Variants in MARCHF3 observed in about 807,000 individuals in gnomAD.
The protein encoded by MARCHF3 is membrane associated ring-CH-type finger 3.
In MARCHF3, 13 loss-of-function variants were observed where a neutral mutation model predicts 24.2. The ratio of observed to expected loss-of-function variants is 0.54; its 90% CI spans 0.35 to 0.85. The LOEUF (loss-of-function observed/expected upper bound fraction) is 0.85. Among genes scored for constraint, MARCHF3 ranks in the 40% least tolerant of loss-of-function variants. The probability of loss-of-function intolerance (pLI) is 0.01; values close to 1 mark genes in which losing one functional copy is unlikely to be tolerated. For missense variants in MARCHF3, 276 were observed against 325.0 expected, an observed-to-expected ratio of 0.85 and a Z score of 1.16; for synonymous variants, 144 against 137.3, an observed-to-expected ratio of 1.05 and a Z score of -0.34.
intron 1 of MARCHF3, among the ~76,000 whole-genome samples, chr5:126,928,448 T>G (rs187009204): frequency 5.1e-4 from 78 of 152,322 alleles, no homozygotes; most frequent in Non-Finnish European, 1.0e-3. Flanking sequence ...AAGAAATAGG[T>G]TTTTTTAAAT....
At chr5:126,915,930 C>A (rs982779603) in intron 2 of MARCHF3, among the ~76,000 whole-genome samples, 16 of 152,342 alleles carry the variant, frequency 1.1e-4, no homozygotes, top group Middle Eastern at 6.8e-3. Flanking sequence ...CAAGTAACTT[C>A]ATCTCCCCAT....
At chr5:126,890,735 C>G (rs1298165301) in intron 3 of MARCHF3, among the ~76,000 whole-genome samples, 1 of 151,088 alleles carries the variant, frequency 6.6e-6, no homozygotes, top group African/African-American at 2.4e-5. Flanking sequence ...GTGAATAATG[C>G]CGCAATAAAC....
chr5:126,922,795 C>T (rs1199599475), intron 1 of MARCHF3, among the ~76,000 whole-genome samples: 1 of 152,124 alleles, frequency 6.6e-6, no homozygotes. Flanking sequence ...ATCCGCCCAC[C>T]TCGGCCTCCC....
At chr5:127,023,348 A>G (rs557553529) in intron 1 of MARCHF3, among the ~76,000 whole-genome samples, 2 of 152,326 alleles carry the variant, frequency 1.3e-5, no homozygotes, top group East Asian at 3.9e-4. Context: ...GGACCTGTAC[A>G]GTTCAAACCT....
intron 3 of MARCHF3, among the ~76,000 whole-genome samples, chr5:126,903,899 G>A (rs2126784672): frequency 6.6e-6 from 1 of 151,634 alleles, no homozygotes; most frequent in East Asian, 1.9e-4. Context: ...TGCCATGCTG[G>A]TGCGCCGCAC....
chr5:126,907,072 C>T (rs376852624), intron 3 of MARCHF3, among the ~76,000 whole-genome samples: 78 of 151,446 alleles, frequency 5.2e-4, no homozygotes, highest in East Asian at 1.6e-3. Flanking sequence ...CATTTCGTTA[C>T]GTACCCAGTA....
chr5:126,952,416 C>T (rs1750277849), intron 1 of MARCHF3, among the ~76,000 whole-genome samples: 1 of 152,116 alleles, frequency 6.6e-6, no homozygotes, highest in Non-Finnish European at 1.5e-5. Flanking sequence ...GGAGGCTTAA[C>T]ATTTCCATTT....
At chr5:126,902,666 T>C (rs1214344463) in intron 3 of MARCHF3, among the ~76,000 whole-genome samples, 2 of 152,136 alleles carry the variant, frequency 1.3e-5, no homozygotes, top group Non-Finnish European at 2.9e-5. Context: ...GCTTTTTTAA[T>C]GAAGTGATTT....
chr5:126,913,976 C>CCT (rs1561423308), intron 3 of MARCHF3, among the ~76,000 whole-genome samples: 2 of 107,914 alleles, frequency 1.9e-5, no homozygotes, highest in Non-Finnish European at 3.5e-5. Context: ...CAATATCCAA[C>CCT]TTTTTTTTTT....
chr5:126,915,041 C>T lies in MARCHF3; in HGVS notation c.282G>A (p.Gly94=), dbSNP rs371372421. 2.5e-6 allele frequency: 4 copies of T among 1,614,074 alleles called. No individual in the cohort carries two copies. Among genetic ancestry groups the T allele is most frequent in the Non-Finnish European group, 3.4e-6 (4 of 1,180,026 alleles). The stretch of plus-strand genomic sequence containing the variant: ...GCTCCAGGCAGCTCCGATGAATTGT[C>T]CCCAAGGTCCCTGTACATTCACATG... ...LSPCECTGTL[G]TIHRSCLEHW... Residue 94 remains glycine (G), a synonymous_variant, in exon 3 of 5, where the codon GGG becomes GGA. Transcript: ENST00000308660.
intron 1 of MARCHF3, among the ~76,000 whole-genome samples, chr5:126,941,131 C>G (rs984335235): frequency 1.3e-5 from 2 of 152,028 alleles, no homozygotes; most frequent in Non-Finnish European, 2.9e-5. Flanking sequence ...AAGTGTTGAG[C>G]CTGAGTTATC....
chr5:126,935,672 G>A (rs1002816497), intron 1 of MARCHF3, among the ~76,000 whole-genome samples: 7 of 138,518 alleles, frequency 5.1e-5, no homozygotes, highest in African/African-American at 8.3e-5. Context: ...GTGCAATGGC[G>A]TGATCTTGGC....
chr5:126,896,836 G>C (rs1214643195), intron 3 of MARCHF3, among the ~76,000 whole-genome samples: 2 of 152,000 alleles, frequency 1.3e-5, no homozygotes, highest in Non-Finnish European at 1.5e-5. Flanking sequence ...ATTTGACTTA[G>C]GTTATAGGGC....
intron 3 of MARCHF3, among the ~76,000 whole-genome samples, chr5:126,912,508 A>C (rs1356033765): frequency 6.6e-6 from 1 of 152,246 alleles, no homozygotes; most frequent in Non-Finnish European, 1.5e-5. Context: ...CAATTAAAAG[A>C]GTAAAACTGA....
At chr5:126,946,311 G>A (rs373866518) in intron 1 of MARCHF3, 1 of 146,572 alleles carries the variant, frequency 6.8e-6, no homozygotes, top group Non-Finnish European at 1.5e-5. Context: ...GGCAGAGACT[G>A]CAGTGAGCCG....
At chr5:127,013,497 T>C (rs1276101035) in intron 1 of MARCHF3, among the ~76,000 whole-genome samples, 1 of 152,140 alleles carries the variant, frequency 6.6e-6, no homozygotes, top group Non-Finnish European at 1.5e-5. Flanking sequence ...CATTTTCACC[T>C]GGATCCTGAT....
At chr5:126,987,967 A>C (rs1173400617) in intron 1 of MARCHF3, among the ~76,000 whole-genome samples, 1 of 152,224 alleles carries the variant, frequency 6.6e-6, no homozygotes, top group Non-Finnish European at 1.5e-5. Context: ...CATTACGGGA[A>C]GCCGCATGAG....
chr5:126,887,341 C>T (rs949678436), intron 3 of MARCHF3, among the ~76,000 whole-genome samples: 7 of 152,206 alleles, frequency 4.6e-5, no homozygotes, highest in African/African-American at 1.7e-4. Flanking sequence ...GTGGCATCAG[C>T]AGTACCTGCG....
At position 126,983,016 on chromosome 5, in the gene MARCHF3, T is replaced by G. The variant is rs546694436; in HGVS notation, c.-57+47334A>C. On this transcript the variant is annotated intron_variant, in intron 1 of 4. Coordinates refer to ENST00000308660, the MANE Select transcript of MARCHF3 (RefSeq NM_178450.5). ...TGGGCCCCAGCATTTTATGTTGTTTTCATTTCTTAAAAGATAGGAGAAGCA... is the reference window on the plus strand; with the variant it reads ...TGGGCCCCAGCATTTTATGTTGTTTGCATTTCTTAAAAGATAGGAGAAGCA... Among the ~76,000 whole-genome samples, 159 of 152,316 alleles carry G rather than the reference T, an allele frequency of 1.0e-3. 1 individual carries two copies. The highest frequency in any genetic ancestry group is 3.6e-3 in the African/African-American group (150 of 41,570).
Sources: allele counts gnomAD v4.1 joint callset (sites outside exome capture counted in the v4.1 genomes callset), GRCh38; gene constraint gnomAD v4.1.1; transcripts MANE v1.5; gene names NCBI Gene and HGNC (gene_info 2026-07-23, HGNC 2026-07-21).